The following CLEC2L variants were observed in gnomAD, a reference collection of about 807,000 sequenced individuals.
The protein encoded by CLEC2L is C-type lectin domain family 2, member L.
A neutral mutation model predicts 23.6 loss-of-function variants in CLEC2L; 14 were observed. The ratio of observed to expected loss-of-function variants is 0.59; its 90% CI spans 0.39 to 0.93. The LOEUF (loss-of-function observed/expected upper bound fraction) is 0.93. CLEC2L is among the 40% of genes least tolerant of loss of function. CLEC2L has a pLI of 0.00. For synonymous variants in CLEC2L, 114 were observed against 121.3 expected, an observed-to-expected ratio of 0.94 and a Z score of 0.40; for missense variants, 264 against 282.4, an observed-to-expected ratio of 0.93 and a Z score of 0.47.
At chr7:139,524,761 C>T (rs1470387853) in intron 1 of CLEC2L, among the ~76,000 whole-genome samples, 1 of 152,154 alleles carries the variant, frequency 6.6e-6, no homozygotes, top group Non-Finnish European at 1.5e-5. Flanking sequence ...GTATTAGCTA[C>T]CGCCGGCGGC....
intron 1 of CLEC2L, among the ~76,000 whole-genome samples, chr7:139,534,031 A>C (rs1178519876): frequency 6.6e-6 from 1 of 152,232 alleles, no homozygotes; most frequent in East Asian, 1.9e-4. Flanking sequence ...ACAAAATTGT[A>C]AAGGGAATTC....
chr7:139,540,464 G>C lies in CLEC2L; in HGVS notation c.409G>C (p.Val137Leu), dbSNP rs529890562. The C allele has an allele frequency of 6.0e-5, 96 of 1,597,456 alleles. No homozygotes were observed. The South Asian group carries it at 1.0e-3, about 17-fold the overall frequency. ...YCHTHEAVLAVIQSQKELEFM... is the reference protein window; with the variant it reads ...YCHTHEAVLALIQSQKELEFM... ...CCACACCCACGAGGCGGTGCTGGCT[G>C]TGATTCAGAGCCAGAAGGAGCTGGT... The change falls in exon 3 of 5, where the codon GTG (valine) becomes CTG (leucine). Residue 137 changes from valine to leucine, a missense_variant. Transcript: ENST00000422142. This position sits in a 1 kb window ranked among gnomAD's most constrained non-coding sequence, Gnocchi z 5.8.
chr7:139,536,811 C>T (rs1797664621), intron 2 of CLEC2L, among the ~76,000 whole-genome samples: 1 of 151,706 alleles, frequency 6.6e-6, no homozygotes, highest in African/African-American at 2.4e-5. Flanking sequence ...CCGGTCTCTA[C>T]TAAAAGTGCA....
chr7:139,536,353 G>T lies in CLEC2L; in HGVS notation c.265+5G>T. ...TGGTGGTGATGAGCATCTTGGGTGA[G>T]CATGCGTGTCAGAGCATTTATGCAT... On this transcript the variant is annotated splice_donor_5th_base_variant and intron_variant, in intron 2 of 4. Coordinates refer to ENST00000422142, the MANE Select transcript of CLEC2L (RefSeq NM_001080511.4). 1.3e-6 allele frequency: 2 copies of T among 1,550,954 alleles called. No homozygotes were observed. Among genetic ancestry groups the T allele is most frequent in the Non-Finnish European group, 1.7e-6 (2 of 1,146,472 alleles).
intron 1 of CLEC2L, among the ~76,000 whole-genome samples, chr7:139,527,994 G>A (rs999284625): frequency 2.6e-5 from 4 of 152,114 alleles, no homozygotes; most frequent in African/African-American, 9.7e-5. Context: ...GTCTGGGCCT[G>A]GGAGTCAGGT....
At chr7:139,529,044 G>C (rs76493468) in intron 1 of CLEC2L, among the ~76,000 whole-genome samples, 152 of 152,236 alleles carry the variant, frequency 1.0e-3, no homozygotes, top group Non-Finnish European at 1.8e-3. Flanking sequence ...AGTTCCAGTG[G>C]GTGCTCTGTA....
chr7:139,536,232 G>T, intron 1 of CLEC2L, 42 bp from the exon 2 acceptor site: 1 of 1,487,856 alleles, frequency 6.7e-7, no homozygotes, highest in Non-Finnish European at 9.2e-7. Flanking sequence ...GACTGGCGGT[G>T]GGATGGGCGG....
At chr7:139,530,226 T>G (rs1240418531) in intron 1 of CLEC2L, among the ~76,000 whole-genome samples, 1 of 151,054 alleles carries the variant, frequency 6.6e-6, no homozygotes, top group Non-Finnish European at 1.5e-5. Flanking sequence ...GCAAGGGGAT[T>G]TTTAAAAGGC....
At chr7:139,527,044 C>G (rs1485844998) in intron 1 of CLEC2L, among the ~76,000 whole-genome samples, 1 of 152,256 alleles carries the variant, frequency 6.6e-6, no homozygotes, top group African/African-American at 2.4e-5. Context: ...CAAGAAGTCT[C>G]TGCTCCTTTA....
At position 139,523,686 on chromosome 7, in the gene CLEC2L, G is replaced by T. The variant is rs1797461694; in HGVS notation, c.-242G>T. 6.6e-6 allele frequency among the ~76,000 whole-genome samples: 1 copy of T among 150,966 alleles called. No individual in the cohort carries two copies. The highest frequency in any genetic ancestry group is 1.5e-5 in the Non-Finnish European group (1 of 67,674). ...GCGCGCCGCCTCGCGCTCCTCCCCA[G>T]CCCGGCTGTGCGTGGAGGCTGCGGC... On this transcript the variant is annotated 5_prime_UTR_variant, in exon 1 of 5. Coordinates refer to ENST00000422142, the MANE Select transcript of CLEC2L (RefSeq NM_001080511.4). This position sits in a 1 kb window ranked among gnomAD's most constrained non-coding sequence, Gnocchi z 4.1.
chr7:139,532,556 C>T (rs1011075773), intron 1 of CLEC2L, among the ~76,000 whole-genome samples: 1 of 152,134 alleles, frequency 6.6e-6, no homozygotes, highest in Non-Finnish European at 1.5e-5. Flanking sequence ...GGTGTTATGG[C>T]CTGCACGTTG....
chr7:139,527,190 C>T (rs1797518234), intron 1 of CLEC2L, among the ~76,000 whole-genome samples: 1 of 152,152 alleles, frequency 6.6e-6, no homozygotes, highest in South Asian at 2.1e-4. Context: ...GATGAGGGAG[C>T]CGAGACTGAG....
At position 139,544,651 on chromosome 7, in the gene CLEC2L, C is replaced by T. The variant is rs1797784417; in HGVS notation, c.*309C>T. 1 of 296,906 alleles carries T rather than the reference C, an allele frequency of 3.4e-6. No homozygotes were observed. The highest frequency in any genetic ancestry group is 2.1e-5 in the African/African-American group (1 of 46,754). 18.4% of individuals were successfully genotyped at this position (296,906 alleles called of 1,614,324 possible). A position where few individuals can be genotyped will look rare whatever the true frequency, so the allele number is the denominator to read the frequency against. Reference sequence around the variant, plus strand: ...CACAGACGCTGTCCCTTCTGAAGCTCAGTGTCCATCCTGAGCCACCCCACA... The same window carrying T: ...CACAGACGCTGTCCCTTCTGAAGCTTAGTGTCCATCCTGAGCCACCCCACA... On this transcript the variant is annotated 3_prime_UTR_variant, in exon 5 of 5. Coordinates refer to ENST00000422142, the MANE Select transcript of CLEC2L (RefSeq NM_001080511.4).
rs1185225188 is a variant in CLEC2L at position 139,540,155 on chromosome 7, A to G, written c.266-166A>G. ...CAGGCTTCCCACAGTCCCCTTTCTC[A>G]TTCATTTAGTGGCCACCCTTTTACC... On this transcript the variant is annotated intron_variant, in intron 2 of 4. Transcript: ENST00000422142. This position sits in a 1 kb window ranked among gnomAD's most constrained non-coding sequence, Gnocchi z 5.8. 6.2e-6 allele frequency: 4 copies of G among 643,018 alleles called. No homozygotes were observed. Among genetic ancestry groups the G allele is most frequent in the Non-Finnish European group, 5.3e-6 (2 of 379,962 alleles). The allele number at this position is 643,018 out of a possible 1,614,324, so 39.8% of individuals were successfully genotyped here.
In CLEC2L at chr7:139,539,022, T is replaced by C. The variant is rs911280057; in HGVS notation, c.266-1299T>C. The C allele has an allele frequency of 4.6e-5, 7 of 152,208 alleles. No homozygotes were observed. Among genetic ancestry groups the C allele is most frequent in the Non-Finnish European group, 7.3e-5 (5 of 68,076 alleles). The allele number at this position is 152,208 out of a possible 1,614,324, so 9.4% of individuals were successfully genotyped here. A position where few individuals can be genotyped will look rare whatever the true frequency, so the allele number is the denominator to read the frequency against. The stretch of plus-strand genomic sequence containing the variant: ...GGACTTGCATCTCATTGAACAGATA[T>C]ATATGCCAGGGGGTGTCGATGAATG... On this transcript the variant is annotated intron_variant, in intron 2 of 4. Coordinates refer to ENST00000422142, the MANE Select transcript of CLEC2L (RefSeq NM_001080511.4). This position sits in a 1 kb window ranked among gnomAD's most constrained non-coding sequence, Gnocchi z 4.1.
intron 1 of CLEC2L, among the ~76,000 whole-genome samples, chr7:139,531,438 T>C (rs892506128): frequency 6.6e-5 from 10 of 152,064 alleles, no homozygotes; most frequent in African/African-American, 1.9e-4. Flanking sequence ...GGTAGGATGA[T>C]AAAATTGAGA....
At chr7:139,529,195 G>A (rs956384948) in intron 1 of CLEC2L, among the ~76,000 whole-genome samples, 3 of 152,160 alleles carry the variant, frequency 2.0e-5, no homozygotes, top group African/African-American at 7.2e-5. Context: ...CATAATCACC[G>A]CGAGTTGATT....
At chr7:139,528,959 T>G (rs1159960034) in intron 1 of CLEC2L, among the ~76,000 whole-genome samples, 1 of 152,220 alleles carries the variant, frequency 6.6e-6, no homozygotes, top group Non-Finnish European at 1.5e-5. Flanking sequence ...TGGTCTTTCC[T>G]ACAAACTCAG....
rs577602933 is a variant in CLEC2L at position 139,526,127 on chromosome 7, T to C, written c.190+2010T>C. ...GACTTTTCCCACAGGAGTTTTAGAA[T>C]CTGGAGTCTGAGTCTGGCCAGGGGC... On this transcript the variant is annotated intron_variant, in intron 1 of 4. Coordinates refer to ENST00000422142, the MANE Select transcript of CLEC2L (RefSeq NM_001080511.4). Among the ~76,000 whole-genome samples, 5 of 152,122 alleles carry C rather than the reference T, an allele frequency of 3.3e-5. No individual in the cohort carries two copies. The South Asian group carries it at 1.0e-3, about 32-fold the overall frequency.
Sources: allele counts gnomAD v4.1 joint callset (sites outside exome capture counted in the v4.1 genomes callset), GRCh38; gene constraint gnomAD v4.1.1; non-coding constraint Gnocchi (gnomAD v3.1); transcripts MANE v1.5; gene names NCBI Gene and HGNC (gene_info 2026-07-23, HGNC 2026-07-21).